The following CUX1 variants were observed in gnomAD, a reference collection of about 807,000 sequenced individuals.
The protein encoded by CUX1 is protein CASP.
CUX1 carries 31 observed loss-of-function variants against 158.8 expected under a neutral mutation model. That is an observed-to-expected ratio of 0.20 (90% confidence interval 0.15 to 0.26). The LOEUF (loss-of-function observed/expected upper bound fraction) is 0.26, where lower values mean the gene tolerates loss of function less well. Ranked by LOEUF, CUX1 falls within the 10% of genes least tolerant of loss-of-function variation. The probability of loss-of-function intolerance (pLI) is 1.00; values close to 1 mark genes in which losing one functional copy is unlikely to be tolerated. For synonymous variants in CUX1, 879 were observed against 862.1 expected (o/e 1.02, Z -0.34); for missense variants, 1,589 against 2,014.6 (o/e 0.79, Z 4.04).
chr7:102,248,303 A>C lies in CUX1; in HGVS notation c.3888-109A>C. 9.3e-7 allele frequency: 1 copy of C among 1,073,124 alleles called. No individual in the cohort carries two copies. Among genetic ancestry groups the C allele is most frequent in the Admixed American group, 2.8e-5 (1 of 35,938 alleles). The allele number at this position is 1,073,124 out of a possible 1,614,324, so 66.5% of individuals were successfully genotyped here. A position where few individuals can be genotyped will look rare whatever the true frequency, so the allele number is the denominator to read the frequency against. ...GCTGGAGGGGCACGGAGGGGCCTCCAGGCTGGACGGAGCAGGAGCCCCAGA... is the reference window on the plus strand; with the variant it reads ...GCTGGAGGGGCACGGAGGGGCCTCCCGGCTGGACGGAGCAGGAGCCCCAGA... On this transcript the variant is annotated intron_variant, in intron 23 of 23. Transcript: ENST00000292535. The surrounding 1 kb of genome is among the most constrained non-coding windows in gnomAD (Gnocchi z 5.8).
At chr7:102,157,739 C>T (rs1265556095) in intron 8 of CUX1, among the ~76,000 whole-genome samples, 1 of 152,186 alleles carries the variant, frequency 6.6e-6, no homozygotes, top group African/African-American at 2.4e-5. Context: ...GAGATCTCAT[C>T]ATTGCACTCC....
chr7:102,062,220 A>T (rs959212853), intron 3 of CUX1, among the ~76,000 whole-genome samples: 1 of 152,206 alleles, frequency 6.6e-6, no homozygotes, highest in Non-Finnish European at 1.5e-5. Context: ...CCCAGGGGGA[A>T]GTTGCTGTTA....
At chr7:102,075,419 A>G (rs1013291904) in intron 4 of CUX1, among the ~76,000 whole-genome samples, 1 of 152,108 alleles carries the variant, frequency 6.6e-6, no homozygotes, top group African/African-American at 2.4e-5. Context: ...ATGCACACAC[A>G]CACCCTGGCC....
Position 102,256,843 on chromosome 7 carries a change from G to A in CUX1, c.*7801G>A, listed in dbSNP as rs1294513485. 7.5e-5 allele frequency: 74 copies of A among 985,314 alleles called. No homozygotes were observed. Among genetic ancestry groups the A allele is most frequent in the African/African-American group, 4.7e-4 (27 of 57,244 alleles). The allele number at this position is 985,314 out of a possible 1,614,324, so 61.0% of individuals were successfully genotyped here. A position where few individuals can be genotyped will look rare whatever the true frequency, so the allele number is the denominator to read the frequency against. ...GAGTGATTTCTTGCAAGGCCCGCAT[G>A]GGTTGATACGTTTTGGTTGGTTTTT... is the stretch of plus-strand genomic sequence containing the variant. On this transcript the variant is annotated 3_prime_UTR_variant, in exon 24 of 24. Coordinates refer to ENST00000292535, the MANE Select transcript of CUX1 (RefSeq NM_181552.4).
chr7:102,180,578 G>A (rs946032438), intron 11 of CUX1, among the ~76,000 whole-genome samples: 48 of 151,314 alleles, frequency 3.2e-4, no homozygotes, highest in Admixed American at 2.0e-4. Flanking sequence ...CTCCCACCTC[G>A]GCTCCCAAAA....
rs73403668 is a variant in CUX1, at chr7:101,934,932, G to C, written c.141+18707G>C. On this transcript the variant is annotated intron_variant, in intron 2 of 23. Transcript: ENST00000292535. ...AGTAGAGGTGAAAACAGCATTGCCC[G>C]GGGTGAGGAGCAGGAGGAGGAAGGG... Among the ~76,000 whole-genome samples the C allele has an allele frequency of 2.0e-3, 299 of 152,136 alleles. 1 individual carries two copies. Among genetic ancestry groups the C allele is most frequent in the African/African-American group, 6.9e-3 (287 of 41,502 alleles).
At chr7:102,070,540 C>T (rs1395019634) in intron 4 of CUX1, 123 bp downstream of exon 4, 2 of 684,960 alleles carry the variant, frequency 2.9e-6, no homozygotes, top group Non-Finnish European at 4.9e-6. Context: ...GCAACTTCCC[C>T]CCAAGAAACC....
chr7:102,001,506 G>A (rs1816684810), intron 2 of CUX1, among the ~76,000 whole-genome samples: 1 of 151,976 alleles, frequency 6.6e-6, no homozygotes, highest in South Asian at 2.1e-4. Flanking sequence ...ATCACACCAA[G>A]CTAATTTTTG....
intron 4 of CUX1, among the ~76,000 whole-genome samples, chr7:102,080,265 T>A (rs1827228540): frequency 6.6e-6 from 1 of 152,134 alleles, no homozygotes; most frequent in Non-Finnish European, 1.5e-5. Flanking sequence ...AGGTGCGTCG[T>A]TTGTGCCCCG....
rs1554539942 is a variant in CUX1, at chr7:102,251,108, T to G, written c.*2066T>G. 1.0e-6 allele frequency: 1 copy of G among 985,216 alleles called. No homozygotes were observed. The highest frequency in any genetic ancestry group is 1.2e-6 in the Non-Finnish European group (1 of 829,846). 61.0% of individuals were successfully genotyped at this position (985,216 alleles called of 1,614,324 possible). ...AATTTACAAGATGTAGTTGTCATAC[T>G]GTATATTACTGATTGAAAACTTTTT... On this transcript the variant is annotated 3_prime_UTR_variant, in exon 24 of 24. Transcript: ENST00000292535.
intron 2 of CUX1, among the ~76,000 whole-genome samples, chr7:101,993,429 A>G (rs953801866): frequency 6.6e-6 from 1 of 152,132 alleles, no homozygotes; most frequent in Admixed American, 6.5e-5. Context: ...AGTCAGAGAG[A>G]GCTGCAGCTG....
chr7:102,072,802 G>A (rs1826272782), intron 4 of CUX1, among the ~76,000 whole-genome samples: 1 of 152,154 alleles, frequency 6.6e-6, no homozygotes, highest in African/African-American at 2.4e-5. Flanking sequence ...ATTTTCTTGT[G>A]CATAAGGTAG....
intron 14 of CUX1, among the ~76,000 whole-genome samples, chr7:102,271,238 T>A (rs1322501160): frequency 6.6e-6 from 1 of 152,202 alleles, no homozygotes; most frequent in Non-Finnish European, 1.5e-5. Flanking sequence ...CTGAGCCTTG[T>A]TGGAGCTTAA....
At chr7:102,069,836 G>A (rs1825938079) in intron 3 of CUX1, among the ~76,000 whole-genome samples, 1 of 152,196 alleles carries the variant, frequency 6.6e-6, no homozygotes, top group East Asian at 1.9e-4. Flanking sequence ...GTCCACCTGG[G>A]TGAAATGCTT....
chr7:101,868,531 A>G (rs1015922189), intron 1 of CUX1, among the ~76,000 whole-genome samples: 1 of 152,198 alleles, frequency 6.6e-6, no homozygotes, highest in Non-Finnish European at 1.5e-5. Context: ...CAGGCACCTT[A>G]GCGCTTGGTG....
intron 6 of CUX1, among the ~76,000 whole-genome samples, chr7:102,106,290 A>G: frequency 6.6e-6 from 1 of 151,870 alleles, no homozygotes; most frequent in East Asian, 1.9e-4. Flanking sequence ...GGGTTTCACT[A>G]TGTCGGCCAG....
At position 102,248,768 on chromosome 7, in the gene CUX1, C is replaced by A; in HGVS notation, c.4244C>A (p.Ala1415Glu). 1.9e-5 allele frequency: 20 copies of A among 1,038,022 alleles called. No homozygotes were observed. Among genetic ancestry groups the A allele is most frequent in the Non-Finnish European group, 2.2e-5 (19 of 863,580 alleles). 64.3% of individuals were successfully genotyped at this position (1,038,022 alleles called of 1,614,324 possible). A position where few individuals can be genotyped will look rare whatever the true frequency, so the allele number is the denominator to read the frequency against. Residue 1415 changes from alanine (A) to glutamate (E), a missense_variant, in exon 24 of 24, where the codon GCG (alanine) becomes GAG (glutamate). Physicochemically the swap from Ala to Glu is moderately radical, Grantham distance 107 (BLOSUM62 -1). Around this residue, in one of 8 missense-constraint regions of CUX1, gnomAD observed 344 missense variants for 323.7 expected, o/e 1.06. Transcript: ENST00000292535. This position sits in a 1 kb window ranked among gnomAD's most constrained non-coding sequence, Gnocchi z 5.8. ...PASATATAAP[A>E]APEDAATSAA... is the part of the protein sequence containing the mutation. ...TCCGCGACCGCCACCGCCGCGCCCGCGGCCCCCGAGGACGCCGCTACCTCA... is the reference window on the plus strand; with the variant it reads ...TCCGCGACCGCCACCGCCGCGCCCGAGGCCCCCGAGGACGCCGCTACCTCA...
At chr7:101,822,047 G>A (rs529085744) in intron 1 of CUX1, among the ~76,000 whole-genome samples, 1 of 151,856 alleles carries the variant, frequency 6.6e-6, no homozygotes, top group Non-Finnish European at 1.5e-5. Flanking sequence ...GTTGAGACGA[G>A]GTTTCACTGT....
intron 2 of CUX1, among the ~76,000 whole-genome samples, chr7:101,975,626 T>G (rs1328746582): frequency 2.6e-5 from 4 of 152,136 alleles, no homozygotes; most frequent in African/African-American, 9.7e-5. Context: ...GTTCTCTTCC[T>G]CCAAACCTCA....
Sources: gnomAD v4.1 joint callset for allele counts (sites outside exome capture counted in the v4.1 genomes callset) on GRCh38, gnomAD v4.1.1 for gene constraint, gnomAD v4.1.1 regional missense constraint, Gnocchi (gnomAD v3.1) non-coding constraint, MANE v1.5 for transcripts, NCBI Gene and HGNC (gene_info 2026-07-23, HGNC 2026-07-21) for gene names.